Variants in CPA6 observed in about 807,000 individuals in gnomAD.
The protein encoded by CPA6 is carboxypeptidase B.
Under a neutral mutation model 63.3 loss-of-function variants are expected in CPA6, and 58 were observed. That is an observed-to-expected ratio of 0.92 (90% confidence interval 0.74 to 1.14). The LOEUF (loss-of-function observed/expected upper bound fraction) is 1.14. CPA6 is among the 50% of genes most tolerant of loss of function. CPA6 has a pLI of 0.00. For synonymous variants in CPA6, 185 were observed against 179.0 expected (o/e 1.03, Z -0.27); for missense variants, 565 against 526.6 (o/e 1.07, Z -0.71).
At chr8:67,588,719 G>A (rs1814016541) in intron 2 of CPA6, among the ~76,000 whole-genome samples, 1 of 152,168 alleles carries the variant, frequency 6.6e-6, no homozygotes, top group Non-Finnish European at 1.5e-5. Context: ...CAAACAAAAT[G>A]AGAGCACTTT....
At chr8:67,509,264 T>G (rs1340124093) in intron 5 of CPA6, among the ~76,000 whole-genome samples, 2 of 152,162 alleles carry the variant, frequency 1.3e-5, no homozygotes, top group Non-Finnish European at 2.9e-5. Context: ...TTGGTTCACC[T>G]CAGGCAGCAC....
intron 1 of CPA6, among the ~76,000 whole-genome samples, chr8:67,635,948 GC>G (rs778437074): frequency 1.3e-5 from 2 of 151,348 alleles, no homozygotes; most frequent in Non-Finnish European, 2.9e-5. Flanking sequence ...GTTTTTTGCT[GC>G]TCCTCCAAAT....
At chr8:67,505,337 A>C (rs544537015) in intron 6 of CPA6, among the ~76,000 whole-genome samples, 1 of 152,308 alleles carries the variant, frequency 6.6e-6, no homozygotes, top group South Asian at 2.1e-4. Context: ...TTGATACAGG[A>C]ATAAGATGAT....
At chr8:67,547,263 G>T (rs1426622173) in intron 2 of CPA6, among the ~76,000 whole-genome samples, 1 of 152,066 alleles carries the variant, frequency 6.6e-6, no homozygotes, top group African/African-American at 2.4e-5. Flanking sequence ...AGCCAGGATG[G>T]TCTCGATCTC....
At position 67,517,933 on chromosome 8, in the gene CPA6, T is replaced by C; in HGVS notation, c.307A>G (p.Ile103Val). Residue 103 changes from isoleucine to valine, a missense_variant, in exon 3 of 11, where the codon ATC becomes GTC. Transcript: ENST00000297770. ...ALLAFLQEAN[I>V]QYKVLIEDLQ... Reference sequence around the variant, plus strand: ...AAAAGGAATGCTTACTTGTACTGGATGTTGGCTTCCTGTAAGAAGGCTAAC... The same window carrying C: ...AAAAGGAATGCTTACTTGTACTGGACGTTGGCTTCCTGTAAGAAGGCTAAC... The C allele has an allele frequency of 6.2e-7, 1 of 1,610,668 alleles. No homozygotes were observed. Among genetic ancestry groups the C allele is most frequent in the Non-Finnish European group, 8.5e-7 (1 of 1,178,896 alleles).
intron 9 of CPA6, among the ~76,000 whole-genome samples, chr8:67,433,409 A>C (rs563276749): frequency 6.6e-6 from 1 of 152,302 alleles, no homozygotes; most frequent in Admixed American, 6.5e-5. Flanking sequence ...TGGGTTTCTG[A>C]TATAAGGAGA....
intron 1 of CPA6, among the ~76,000 whole-genome samples, chr8:67,636,707 T>C (rs1477687603): frequency 1.3e-5 from 2 of 151,544 alleles, no homozygotes; most frequent in Non-Finnish European, 2.9e-5. Context: ...TTATGAAAGC[T>C]TGTATCCTGT....
chr8:67,594,099 C>T (rs1048645053), intron 2 of CPA6, among the ~76,000 whole-genome samples: 3 of 152,164 alleles, frequency 2.0e-5, no homozygotes, highest in African/African-American at 7.2e-5. Context: ...AATCTCTCAG[C>T]ATTTGCTTGT....
intron 8 of CPA6, among the ~76,000 whole-genome samples, chr8:67,456,717 C>A (rs7843818): frequency 0.12 from 18,847 of 152,062 alleles, 3,091 homozygotes; most frequent in African/African-American, 0.38. Context: ...GAAACTGTGA[C>A]TGTTAAATGG....
In CPA6 at chr8:67,574,301, A is replaced by G. The variant is rs542060333; in HGVS notation, c.192+49875T>C. 3.6e-3 allele frequency among the ~76,000 whole-genome samples: 546 copies of G among 149,824 alleles called. 5 individuals carry two copies. Among genetic ancestry groups the G allele is most frequent in the African/African-American group, 0.013 (511 of 40,798 alleles). On this transcript the variant is annotated intron_variant, in intron 2 of 10. Transcript: ENST00000297770. ...TGAGGCAGGAGAATTGCTTGAACCCAGGAGGTGGAGGTTGCAGTGAGCTGA... is the reference window on the plus strand; with the variant it reads ...TGAGGCAGGAGAATTGCTTGAACCCGGGAGGTGGAGGTTGCAGTGAGCTGA...
At chr8:67,651,898 C>G (rs1025090864) in intron 1 of CPA6, among the ~76,000 whole-genome samples, 4 of 152,108 alleles carry the variant, frequency 2.6e-5, no homozygotes, top group African/African-American at 9.6e-5. Flanking sequence ...CCCCCTGCCC[C>G]CACCCCGCAA....
intron 2 of CPA6, among the ~76,000 whole-genome samples, chr8:67,533,311 A>G (rs1812517251): frequency 6.6e-6 from 1 of 152,242 alleles, no homozygotes; most frequent in Admixed American, 6.5e-5. Flanking sequence ...AGGCAAGTAC[A>G]GTTATTTTAG....
chr8:67,667,021 G>C (rs936187309), intron 1 of CPA6, among the ~76,000 whole-genome samples: 1 of 152,038 alleles, frequency 6.6e-6, no homozygotes, highest in Admixed American at 6.5e-5. Flanking sequence ...GGTTATTACT[G>C]TCTGCAGTGT....
At chr8:67,611,057 A>T (rs886138116) in intron 2 of CPA6, among the ~76,000 whole-genome samples, 11 of 150,666 alleles carry the variant, frequency 7.3e-5, no homozygotes, top group African/African-American at 2.7e-4. Flanking sequence ...ATCCCATAAC[A>T]TCTACCATGG....
At chr8:67,571,279 A>G (rs889055637) in intron 2 of CPA6, among the ~76,000 whole-genome samples, 1 of 152,218 alleles carries the variant, frequency 6.6e-6, no homozygotes, top group African/African-American at 2.4e-5. Flanking sequence ...AGTGCTTTCA[A>G]TATAGAACAG....
intron 1 of CPA6, among the ~76,000 whole-genome samples, chr8:67,644,057 G>C (rs139719693): frequency 6.6e-6 from 1 of 152,078 alleles, no homozygotes; most frequent in Non-Finnish European, 1.5e-5. Flanking sequence ...CAGATTGAGG[G>C]GGGTTGGCAG....
chr8:67,547,658 CT>C (rs1812847907), intron 2 of CPA6, among the ~76,000 whole-genome samples: 1 of 152,026 alleles, frequency 6.6e-6, no homozygotes. Context: ...CCATGCTCAG[CT>C]AATTTTGTAA....
At chr8:67,542,058 A>G (rs1014411028) in intron 2 of CPA6, among the ~76,000 whole-genome samples, 5 of 152,204 alleles carry the variant, frequency 3.3e-5, no homozygotes, top group African/African-American at 1.2e-4. Context: ...AACTTTAGAG[A>G]GCACCAGACT....
chr8:67,740,850 G>T (rs529381798), intron 1 of CPA6, among the ~76,000 whole-genome samples: 3 of 152,082 alleles, frequency 2.0e-5, no homozygotes, highest in Admixed American at 2.0e-4. Context: ...GATTACAGAC[G>T]TGAGCCACCG....
Sources: allele counts gnomAD v4.1 joint callset (sites outside exome capture counted in the v4.1 genomes callset), GRCh38; gene constraint gnomAD v4.1.1; transcripts MANE v1.5; gene names NCBI Gene and HGNC (gene_info 2026-07-23, HGNC 2026-07-21).